The following CMIP variants were observed in gnomAD, a reference collection of about 807,000 sequenced individuals.
The protein encoded by CMIP is c-Maf inducing protein, also known as C-Maf-inducing protein.
CMIP carries 13 observed loss-of-function variants against 97.3 expected under a neutral mutation model. The ratio of observed to expected loss-of-function variants is 0.13; its 90% CI spans 0.09 to 0.21. CMIP has a LOEUF of 0.21. Ranked by LOEUF, CMIP falls within the 10% of genes least tolerant of loss-of-function variation. CMIP has a pLI of 1.00. For synonymous variants in CMIP, 538 were observed against 436.3 expected (o/e 1.23, Z -2.91); for missense variants, 847 against 1,024.9 (o/e 0.83, Z 2.37).
chr16:81,476,059 C>T, intron 1 of CMIP: 1 of 718,804 alleles, frequency 1.4e-6, no homozygotes, highest in Non-Finnish European at 2.6e-6. Flanking sequence ...TAGTGATCTT[C>T]TTGCTGGTCT....
chr16:81,671,784 G>A (rs1488971564), intron 8 of CMIP, among the ~76,000 whole-genome samples, 182 bp from the exon 9 acceptor site: 4 of 152,220 alleles, frequency 2.6e-5, no homozygotes, highest in African/African-American at 7.2e-5. Flanking sequence ...CCTGCACGTG[G>A]CACAGCCGGG....
chr16:81,544,233 C>T (rs1385761456), intron 1 of CMIP, among the ~76,000 whole-genome samples: 1 of 152,250 alleles, frequency 6.6e-6, no homozygotes, highest in Non-Finnish European at 1.5e-5. Flanking sequence ...GCACGCATCC[C>T]TTTTCAATGT....
At chr16:81,604,616 C>T (rs905650466) in intron 1 of CMIP, among the ~76,000 whole-genome samples, 4 of 152,112 alleles carry the variant, frequency 2.6e-5, no homozygotes, top group African/African-American at 7.2e-5. Flanking sequence ...CAGAGAATTG[C>T]TTGAACACGG....
intron 1 of CMIP, among the ~76,000 whole-genome samples, chr16:81,477,205 G>T (rs989159822): frequency 6.6e-6 from 1 of 152,044 alleles, no homozygotes; most frequent in Non-Finnish European, 1.5e-5. Context: ...GCCCAGGCTG[G>T]AGTGCAGTGG....
chr16:81,602,528 G>A lies in CMIP; in HGVS notation c.301-5039G>A, dbSNP rs141713601. On this transcript the variant is annotated intron_variant, in intron 1 of 20. Coordinates refer to ENST00000537098, the MANE Select transcript of CMIP (RefSeq NM_198390.3). ...CAAATGTATACAGCCAAGTGACATCGCCCCCACAGTCAATACAGAGAATAT... is the reference window on the plus strand; with the variant it reads ...CAAATGTATACAGCCAAGTGACATCACCCCCACAGTCAATACAGAGAATAT... 2.2e-3 allele frequency among the ~76,000 whole-genome samples: 330 copies of A among 152,248 alleles called. 3 individuals are homozygous for A. The East Asian group carries it at 0.028, about 13-fold the overall frequency.
chr16:81,660,354 A>AC (rs1430210379), intron 5 of CMIP, among the ~76,000 whole-genome samples: 2 of 151,262 alleles, frequency 1.3e-5, no homozygotes, highest in African/African-American at 4.9e-5. Flanking sequence ...GCTCACTGCA[A>AC]CTCCGCCTCC....
rs368085441 is a variant in CMIP, at chr16:81,640,203, C to A, written c.478-12000C>A. 4.0e-3 allele frequency among the ~76,000 whole-genome samples: 602 copies of A among 151,680 alleles called. 2 individuals are homozygous for A. Among genetic ancestry groups the A allele is most frequent in the South Asian group, 0.016 (78 of 4,792 alleles). On this transcript the variant is annotated intron_variant, in intron 3 of 20. Transcript: ENST00000537098. ...AGGGCAGGGCCAGGGCTTATGCAATCGGGTAATGGGCTGGAGGCGGGCCTT... is the reference window on the plus strand; with the variant it reads ...AGGGCAGGGCCAGGGCTTATGCAATAGGGTAATGGGCTGGAGGCGGGCCTT...
At chr16:81,450,922 C>T (rs928345022) in intron 1 of CMIP, among the ~76,000 whole-genome samples, 1 of 152,232 alleles carries the variant, frequency 6.6e-6, no homozygotes, top group African/African-American at 2.4e-5. Flanking sequence ...TGTATCTGGA[C>T]ATGCATGCAC....
intron 8 of CMIP, 76 bp downstream of exon 8, chr16:81,670,321 C>A: frequency 6.9e-7 from 1 of 1,446,710 alleles, no homozygotes; most frequent in Non-Finnish European, 9.5e-7. Flanking sequence ...CAGATATCCA[C>A]GGGGGGCTGT....
chr16:81,540,129 C>G (rs2090421346), intron 1 of CMIP, among the ~76,000 whole-genome samples: 1 of 152,218 alleles, frequency 6.6e-6, no homozygotes, highest in African/African-American at 2.4e-5. Context: ...TGGAGCACAT[C>G]CATCCAAACG....
intron 1 of CMIP, among the ~76,000 whole-genome samples, chr16:81,578,061 C>T (rs2091230334): frequency 6.6e-6 from 1 of 151,974 alleles, no homozygotes; most frequent in Non-Finnish European, 1.5e-5. Flanking sequence ...ATCACCATCA[C>T]CATCATCACC....
Position 81,616,527 on chromosome 16 carries a change from G to A in CMIP, c.427-4349G>A, listed in dbSNP as rs983517159. ...TGGTCTGTGGTTGGTAGTGACATGC[G>A]TCATCGCACTTAGTTCGCCAGCCTG... On this transcript the variant is annotated intron_variant, in intron 2 of 20. Transcript: ENST00000537098. The surrounding 1 kb of genome is among the most constrained non-coding windows in gnomAD (Gnocchi z 4.7). Among the ~76,000 whole-genome samples the A allele has an allele frequency of 6.6e-6, 1 of 152,210 alleles. No individual in the cohort carries two copies. The highest frequency in any genetic ancestry group is 1.5e-5 in the Non-Finnish European group (1 of 68,036).
At chr16:81,450,985 T>G (rs1456115780) in intron 1 of CMIP, among the ~76,000 whole-genome samples, 1 of 152,214 alleles carries the variant, frequency 6.6e-6, no homozygotes, top group Non-Finnish European at 1.5e-5. Context: ...AGACCCTCCA[T>G]GCGTGTGCAG....
chr16:81,513,831 G>A (rs143363524), intron 1 of CMIP, among the ~76,000 whole-genome samples: 1 of 152,336 alleles, frequency 6.6e-6, no homozygotes, highest in Non-Finnish European at 1.5e-5. Flanking sequence ...CTCTGGGCTG[G>A]CTTTCATTCC....
intron 1 of CMIP, among the ~76,000 whole-genome samples, chr16:81,525,272 T>A (rs1472485207): frequency 6.6e-6 from 1 of 151,864 alleles, no homozygotes; most frequent in East Asian, 1.9e-4. Context: ...GCCTCCCAAG[T>A]AGCTGGGGTT....
At chr16:81,608,666 G>A (rs937042380) in intron 2 of CMIP, among the ~76,000 whole-genome samples, 2 of 151,890 alleles carry the variant, frequency 1.3e-5, no homozygotes, top group African/African-American at 4.8e-5. Context: ...GGTGAGGTGC[G>A]TCCACCAAGA....
intron 16 of CMIP, among the ~76,000 whole-genome samples, 192 bp downstream of exon 16, chr16:81,701,992 TCA>T (rs1048732892): frequency 3.3e-5 from 5 of 152,134 alleles, no homozygotes; most frequent in African/African-American, 1.2e-4. Context: ...ATCCCCAGAG[TCA>T]CACAGCTCAT....
chr16:81,660,740 T>C (rs1482639047), intron 5 of CMIP, 144 bp from the exon 6 acceptor site: 1 of 915,994 alleles, frequency 1.1e-6, no homozygotes, highest in Non-Finnish European at 1.7e-6. Flanking sequence ...TCTTTTTTTT[T>C]CTGCTTTTAA....
At chr16:81,586,354 T>C (rs1386451189) in intron 1 of CMIP, among the ~76,000 whole-genome samples, 1 of 152,170 alleles carries the variant, frequency 6.6e-6, no homozygotes, top group African/African-American at 2.4e-5. Context: ...TGGGTGCTAT[T>C]ATCATCGAAA....
Sources: gnomAD v4.1 joint callset for allele counts (sites outside exome capture counted in the v4.1 genomes callset) on GRCh38, gnomAD v4.1.1 for gene constraint, Gnocchi (gnomAD v3.1) non-coding constraint, MANE v1.5 for transcripts, NCBI Gene and HGNC (gene_info 2026-07-23, HGNC 2026-07-21) for gene names.